CHFR: variants seen among roughly 807,000 people sequenced by gnomAD.
The protein encoded by CHFR is E3 ubiquitin-protein ligase CHFR.
CHFR carries 57 observed loss-of-function variants against 87.6 expected under a neutral mutation model. That is an observed-to-expected ratio of 0.65 (90% CI 0.53 to 0.81). The LOEUF is 0.81. CHFR is among the 30% of genes least tolerant of loss of function. The pLI, the probability that CHFR is intolerant of heterozygous loss-of-function variation, is 0.00. For missense variants in CHFR, 797 were observed against 865.8 expected, an observed-to-expected ratio of 0.92 and a Z score of 1.00; for synonymous variants, 381 against 359.2, an observed-to-expected ratio of 1.06 and a Z score of -0.69.
At chr12:132,855,690 G>A (rs1951050447) in intron 10 of CHFR, among the ~76,000 whole-genome samples, 1 of 151,966 alleles carries the variant, frequency 6.6e-6, no homozygotes, top group Non-Finnish European at 1.5e-5. Flanking sequence ...AAAAAAATTT[G>A]TTAGTACATT....
chr12:132,871,097 T>C (rs2137021036), intron 4 of CHFR, among the ~76,000 whole-genome samples: 1 of 152,320 alleles, frequency 6.6e-6, no homozygotes, highest in South Asian at 2.1e-4. Context: ...CTGGTTAAGT[T>C]TATGCTGAAG....
Position 132,859,463 on chromosome 12 carries a change from T to A in CHFR, c.752-236A>T, listed in dbSNP as rs539790786. Among the ~76,000 whole-genome samples the A allele has an allele frequency of 2.3e-4, 35 of 152,086 alleles. No homozygotes were observed. The East Asian group carries it at 6.2e-3, about 27-fold the overall frequency. ...CCTCCCGGGTTCATGCCATTCTCCT[T>A]CCTCAGCCTCCTGAGTAGCTGGGAC... On this transcript the variant is annotated intron_variant, in intron 7 of 17. Coordinates refer to ENST00000450056, the MANE Select transcript of CHFR (RefSeq NM_001161346.2).
intron 2 of CHFR, among the ~76,000 whole-genome samples, chr12:132,881,310 G>T (rs745374934): frequency 1.5e-4 from 22 of 151,660 alleles, no homozygotes; most frequent in Non-Finnish European, 2.6e-4. Context: ...TTAAAAAGAT[G>T]AAAAGACAAG....
rs11147113 is a variant in CHFR, at chr12:132,861,393, G to A, written c.751+74C>T. The A allele has an allele frequency of 7.0e-4, 1,036 of 1,488,980 alleles. 4 individuals are homozygous for A. The African/African-American group carries it at 0.011, about 16-fold the overall frequency. The allele number at this position is 1,488,980 out of a possible 1,614,324, so 92.2% of individuals were successfully genotyped here. ...TGCAGGAAGCAATGCCCCACAGCACGGAGCATGGCAGCGGCCCCCGCATGC... is the reference window on the plus strand; with the variant it reads ...TGCAGGAAGCAATGCCCCACAGCACAGAGCATGGCAGCGGCCCCCGCATGC... On this transcript the variant is annotated intron_variant, in intron 7 of 17. Transcript: ENST00000450056.
Position 132,856,621 on chromosome 12 carries a change from C to T in CHFR, c.1076G>A (p.Arg359His). The part of the protein sequence containing the change: ...AYLIQHPDKS[R>H]SEEDVQSMDA... The stretch of plus-strand genomic sequence containing the variant: ...CATACTTTGCACATCTTCTTCACTG[C>T]GACTCTTGTCTAGAATTGAAAGGAC... Residue 359 changes from arginine (R) to histidine (H), a missense_variant, in exon 10 of 18, where the codon CGC (arginine) becomes CAC (histidine). Around this residue, in one of 2 missense-constraint regions of CHFR, gnomAD observed 597 missense variants for 601.2 expected, o/e 0.99. Transcript: ENST00000450056. 3 of 1,613,980 alleles carry T rather than the reference C, an allele frequency of 1.9e-6. No individual in the cohort carries two copies. The highest frequency in any genetic ancestry group is 1.3e-5 in the African/African-American group (1 of 75,074).
chr12:132,881,606 G>A (rs572034367), intron 2 of CHFR, among the ~76,000 whole-genome samples: 6 of 152,028 alleles, frequency 3.9e-5, no homozygotes, highest in Admixed American at 6.6e-5. Flanking sequence ...GGTGGCTCAC[G>A]CCTGTAATCC....
intron 2 of CHFR, among the ~76,000 whole-genome samples, chr12:132,880,182 A>C (rs184613283): frequency 2.0e-5 from 3 of 152,348 alleles, no homozygotes; most frequent in Admixed American, 6.5e-5. Context: ...TAAACAATAC[A>C]GTATTGTGGC....
At position 132,856,607 on chromosome 12, in the gene CHFR, C is replaced by T. The variant is rs879123151; in HGVS notation, c.1090G>A (p.Val364Met). ...TTATTTCTGGCATCCATACTTTGCA[C>T]ATCTTCTTCACTGCGACTCTTGTCT... The part of the protein sequence containing the change: ...HPDKSRSEED[V>M]QSMDARNKIT... Residue 364 changes from valine to methionine, a missense_variant, in exon 10 of 18, where the codon GTG becomes ATG. This residue lies in a region of CHFR where 597 missense variants were observed against 601.2 expected (regional missense o/e 0.99). Transcript: ENST00000450056. The T allele has an allele frequency of 8.7e-6, 14 of 1,614,018 alleles. No homozygotes were observed. The highest frequency in any genetic ancestry group is 1.1e-5 in the South Asian group (1 of 91,090).
chr12:132,843,956 A>T lies in CHFR; in HGVS notation c.1843+71T>A. ...AACAGCGAAACTGTCTCAAAAAAAA[A>T]AAAGAGAGGCAGAAGCCAAGAAGCC... On this transcript the variant is annotated intron_variant, in intron 16 of 17. Coordinates refer to ENST00000450056, the MANE Select transcript of CHFR (RefSeq NM_001161346.2). 3 of 967,998 alleles carry T rather than the reference A, an allele frequency of 3.1e-6. No individual in the cohort carries two copies. The South Asian group carries it at 4.2e-5, about 14-fold the overall frequency. The allele number at this position is 967,998 out of a possible 1,614,324, so 60.0% of individuals were successfully genotyped here.
intron 10 of CHFR, among the ~76,000 whole-genome samples, chr12:132,855,330 G>A (rs1390804564): frequency 6.6e-6 from 1 of 152,160 alleles, no homozygotes; most frequent in African/African-American, 2.4e-5. Flanking sequence ...GCTGAGGCAG[G>A]AGAATCGCTT....
In CHFR at chr12:132,836,878, A is replaced by G; in HGVS notation, c.*4676T>C. On this transcript the variant is annotated 3_prime_UTR_variant, in exon 18 of 18. Coordinates refer to ENST00000450056, the MANE Select transcript of CHFR (RefSeq NM_001161346.2). ...ATGCTGCCCTGGGGCCAAACATTTC[A>G]GACAAATAAACAACAGTGGGCAGAC... 2.5e-6 allele frequency: 1 copy of G among 403,724 alleles called. No individual in the cohort carries two copies. Among genetic ancestry groups the G allele is most frequent in the South Asian group, 1.8e-5 (1 of 55,594 alleles). 25.0% of individuals were successfully genotyped at this position (403,724 alleles called of 1,614,324 possible). A position where few individuals can be genotyped will look rare whatever the true frequency, so the allele number is the denominator to read the frequency against.
chr12:132,843,036 TGCG>T lies in CHFR; in HGVS notation c.1888_1890del (p.Arg630del), dbSNP rs1218603125. 3 of 1,613,140 alleles carry T rather than the reference TGCG, an allele frequency of 1.9e-6. No individual in the cohort carries two copies. The Admixed American group carries it at 5.0e-5, about 27-fold the overall frequency. ...ATGGCGTGGTGAGCTTTCACCTGAG[TGCG>T]GCAGTTACGGCCCCAGTAGCAGTCA... On this transcript the variant is annotated inframe_deletion, in exon 17 of 18. Transcript: ENST00000450056.
rs776915637 is a variant in CHFR at position 132,859,073 on chromosome 12, G to A, written c.906C>T (p.Cys302=). ...AAGGGTGAACACGGTCGCACCTCAC[G>A]CAGTCGTGCAGCAGGTCCTGGCAGA... The part of the protein sequence containing the change: ...CIICQDLLHD[C]VSLQPCMHTF... The change falls in exon 8 of 18, where the codon TGC becomes TGT. Residue 302 remains cysteine (C), a synonymous_variant. Coordinates refer to ENST00000450056, the MANE Select transcript of CHFR (RefSeq NM_001161346.2). 9.3e-6 allele frequency: 15 copies of A among 1,612,888 alleles called. No individual in the cohort carries two copies. The highest frequency in any genetic ancestry group is 2.2e-5 in the East Asian group (1 of 44,822).
At chr12:132,863,389 C>G (rs1207158252) in intron 6 of CHFR, among the ~76,000 whole-genome samples, 1 of 151,918 alleles carries the variant, frequency 6.6e-6, no homozygotes, top group Non-Finnish European at 1.5e-5. Flanking sequence ...TGCCTGTAAC[C>G]CAGCTACTTG....
At chr12:132,882,621 T>C (rs1318789398) in intron 2 of CHFR, among the ~76,000 whole-genome samples, 8 of 151,544 alleles carry the variant, frequency 5.3e-5, no homozygotes, top group Non-Finnish European at 1.0e-4. Flanking sequence ...GCCAGGACAG[T>C]CTCCTTCAAG....
chr12:132,843,088 A>C lies in CHFR; in HGVS notation c.1844-5T>G, dbSNP rs1593440457. On this transcript the variant is annotated splice_polypyrimidine_tract_variant and splice_region_variant and intron_variant, in intron 16 of 17. Coordinates refer to ENST00000450056, the MANE Select transcript of CHFR (RefSeq NM_001161346.2). ...CAGGACGGGATGTTACGGCCACTGG[A>C]AAAAGAGAAGGGGTACGCATCTATG... 1 of 1,612,240 alleles carries C rather than the reference A, an allele frequency of 6.2e-7. No homozygotes were observed. The highest frequency in any genetic ancestry group is 2.2e-5 in the East Asian group (1 of 44,834).
chr12:132,871,744 C>T (rs545473860), intron 4 of CHFR, among the ~76,000 whole-genome samples: 94 of 152,094 alleles, frequency 6.2e-4, no homozygotes, highest in African/African-American at 2.1e-3. Context: ...TACACTTCAG[C>T]CTGGGCAACA....
chr12:132,855,895 C>T (rs796775262), intron 10 of CHFR, among the ~76,000 whole-genome samples: 30 of 152,020 alleles, frequency 2.0e-4, no homozygotes, highest in African/African-American at 7.2e-4. Context: ...ATCATGGCCT[C>T]GACCCAACAT....
chr12:132,859,027 C>T, intron 8 of CHFR, 41 bp downstream of exon 8: 2 of 1,584,700 alleles, frequency 1.3e-6, no homozygotes, highest in East Asian at 2.3e-5. Context: ...GAAGAACCTG[C>T]AGTGCCATGT....
Sources: gnomAD v4.1 joint callset for allele counts (sites outside exome capture counted in the v4.1 genomes callset) on GRCh38, gnomAD v4.1.1 for gene constraint, gnomAD v4.1.1 regional missense constraint, MANE v1.5 for transcripts, NCBI Gene and HGNC (gene_info 2026-07-23, HGNC 2026-07-21) for gene names.